Variants in NPHS2 observed in about 807,000 individuals in gnomAD.
NPHS2 encodes the protein NPHS2 stomatin family member, podocin.
In NPHS2, 36 loss-of-function variants were observed where a neutral mutation model predicts 37.1. The observed-to-expected ratio is 0.97, with a 90% CI of 0.74 to 1.28. The LOEUF is 1.28. Among genes scored for constraint, NPHS2 ranks in the 50% most tolerant of loss-of-function variants. NPHS2 has a pLI of 0.00. For synonymous variants in NPHS2, 196 were observed against 189.3 expected, an observed-to-expected ratio of 1.04 and a Z score of -0.29; for missense variants, 447 against 488.1, an observed-to-expected ratio of 0.92 and a Z score of 0.79.
At chr1:179,569,138 G>A (rs1263170958) in intron 1 of NPHS2, among the ~76,000 whole-genome samples, 2 of 152,082 alleles carry the variant, frequency 1.3e-5, no homozygotes, top group Non-Finnish European at 2.9e-5. Context: ...TCTGTCTAAT[G>A]CTGAGAGCAG....
Position 179,564,777 on chromosome 1 carries a change from G to A in NPHS2, c.291C>T (p.Gly97=). ...ERPEEGTKSS[G]LGACEWLLVL... is the part of the protein sequence containing the mutation. ...CAAGAAGCCACTCACAGGCCCCTAA[G>A]CCGGAGGATTTGGTACCTTAAAAAA... Residue 97 remains glycine, a synonymous_variant, in exon 2 of 8, where the codon GGC becomes GGT. Coordinates refer to ENST00000367615, the MANE Select transcript of NPHS2 (RefSeq NM_014625.4). 1 of 1,613,774 alleles carries A rather than the reference G, an allele frequency of 6.2e-7. No homozygotes were observed. The highest frequency in any genetic ancestry group is 8.5e-7 in the Non-Finnish European group (1 of 1,179,674).
chr1:179,561,474 A>G (rs1180359450), intron 2 of NPHS2, 113 bp from the exon 3 acceptor site: 9 of 763,514 alleles, frequency 1.2e-5, no homozygotes, highest in Non-Finnish European at 1.8e-5. Flanking sequence ...AGAACCAGGA[A>G]AAAATTTCTA....
intron 1 of NPHS2, 110 bp downstream of exon 1, chr1:179,575,481 G>A: frequency 1.4e-6 from 2 of 1,457,376 alleles, no homozygotes; most frequent in Non-Finnish European, 1.9e-6. Flanking sequence ...TGAGCATCCA[G>A]CAATCTGCTC....
intron 6 of NPHS2, among the ~76,000 whole-genome samples, chr1:179,553,630 T>C (rs1285726853): frequency 6.6e-6 from 1 of 152,236 alleles, no homozygotes; most frequent in African/African-American, 2.4e-5. Flanking sequence ...ACTTAACAAG[T>C]ACAGGCTTCC....
rs1433581705 is a variant in NPHS2, at chr1:179,556,014, T to C, written c.738+1013A>G. On this transcript the variant is annotated intron_variant, in intron 5 of 7. Transcript: ENST00000367615. This position sits in a 1 kb window ranked among gnomAD's most constrained non-coding sequence, Gnocchi z 4.1. ...TGGGTTTATTAGGATACATGCATTT[T>C]TGACTTACGATATTTTTTGCTTTAT... Among the ~76,000 whole-genome samples the C allele has an allele frequency of 6.6e-6, 1 of 152,242 alleles. No homozygotes were observed. The highest frequency in any genetic ancestry group is 1.5e-5 in the Non-Finnish European group (1 of 68,048).
chr1:179,560,329 A>T (rs1330522657), intron 3 of NPHS2, among the ~76,000 whole-genome samples: 1 of 152,152 alleles, frequency 6.6e-6, no homozygotes, highest in Non-Finnish European at 1.5e-5. Context: ...ACATTTGTAG[A>T]TTGATTTATT....
Position 179,552,594 on chromosome 1 carries a change from A to C in NPHS2, c.873+9T>G. ...AAGGGCAGTCTGGGTGGGAGGATGG[A>C]GTGCTCACCCGCACTTTGGCTTGTC... On this transcript the variant is annotated intron_variant, in intron 7 of 7. Coordinates refer to ENST00000367615, the MANE Select transcript of NPHS2 (RefSeq NM_014625.4). 6.2e-7 allele frequency: 1 copy of C among 1,612,002 alleles called. No individual in the cohort carries two copies. The highest frequency in any genetic ancestry group is 8.5e-7 in the Non-Finnish European group (1 of 1,178,494).
intron 5 of NPHS2, among the ~76,000 whole-genome samples, chr1:179,554,893 G>A (rs1203222987): frequency 6.6e-6 from 1 of 152,156 alleles, no homozygotes; most frequent in Non-Finnish European, 1.5e-5. Context: ...GGCCCTAAAT[G>A]TAATTATAGG....
chr1:179,551,854 C>A, intron 7 of NPHS2: 1 of 233,096 alleles, frequency 4.3e-6, no homozygotes. Context: ...GCTGAGCTCA[C>A]TACACAAATG....
Position 179,557,135 on chromosome 1 carries a change from T to TA in NPHS2, c.629dup (p.Ser211IlefsTer2). Reference sequence around the variant, plus strand: ...GCACAAGGAATTGCACAGCTTTAGATACATGAGCAAGACTGCTTAGGAGAA... The same window carrying TA: ...GCACAAGGAATTGCACAGCTTTAGATAACATGAGCAAGACTGCTTAGGAGAA... On this transcript the variant is annotated frameshift_variant, in exon 5 of 8. Transcript: ENST00000367615. LOFTEE classifies it high-confidence loss of function. 2 of 1,614,092 alleles carry TA rather than the reference T, an allele frequency of 1.2e-6. No homozygotes were observed. The highest frequency in any genetic ancestry group is 1.7e-6 in the Non-Finnish European group (2 of 1,179,956).
At chr1:179,554,276 TA>T (rs933385496) in intron 6 of NPHS2, among the ~76,000 whole-genome samples, 199 bp downstream of exon 6, 5 of 152,270 alleles carry the variant, frequency 3.3e-5, no homozygotes, top group African/African-American at 1.2e-4. Context: ...GAGAAAAAAA[TA>T]ATCAGAGTAA....
intron 1 of NPHS2, among the ~76,000 whole-genome samples, chr1:179,567,771 A>G (rs1484667697): frequency 6.6e-6 from 1 of 152,182 alleles, no homozygotes; most frequent in African/African-American, 2.4e-5. Flanking sequence ...AGTTTTTAGC[A>G]TGAAGGGCTG....
At chr1:179,566,971 TGTA>T (rs1674357783) in intron 1 of NPHS2, among the ~76,000 whole-genome samples, 1 of 151,376 alleles carries the variant, frequency 6.6e-6, no homozygotes, top group Non-Finnish European at 1.5e-5. Context: ...ACTGTAGCCT[TGTA>T]GTATAGTTTG....
In NPHS2 at chr1:179,575,912, G is replaced by A. The variant is rs780873703; in HGVS notation, c.-48C>T. On this transcript the variant is annotated 5_prime_UTR_variant, in exon 1 of 8. Transcript: ENST00000367615. ...GAGCAGCAGCGCGGGAGCGCTAGGG[G>A]CACGGGAGCGCAGTCCCTGTGGAGT... 23 of 1,360,174 alleles carry A rather than the reference G, an allele frequency of 1.7e-5. No individual in the cohort carries two copies. Among genetic ancestry groups the A allele is most frequent in the Non-Finnish European group, 2.0e-5 (21 of 1,063,870 alleles). 84.3% of individuals were successfully genotyped at this position (1,360,174 alleles called of 1,614,324 possible).
chr1:179,575,760 G>A lies in NPHS2; in HGVS notation c.105C>T (p.Gly35=), dbSNP rs985448094. The A allele has an allele frequency of 2.7e-6, 4 of 1,492,436 alleles. No homozygotes were observed. The South Asian group carries it at 3.9e-5, about 14-fold the overall frequency. The allele number at this position is 1,492,436 out of a possible 1,614,324, so 92.4% of individuals were successfully genotyped here. ...CGGGCCCAGCCTCCTGGCGCCCGCG[G>A]CCTCCGCCGCTCCTCTCGGCCTTTG... ...KRAKAERSGG[G]RGRQEAGPEP... is the part of the protein sequence containing the mutation. Residue 35 remains glycine (G), a synonymous_variant, in exon 1 of 8, where the codon GGC becomes GGT. Transcript: ENST00000367615.
rs900383804 is a variant in NPHS2 at position 179,551,282 on chromosome 1, T to C, written c.1043A>G (p.Asn348Ser). Reference sequence around the variant, plus strand: ...TCTGTTGCTGGGAGAAGACAGGCAATTCAGTAGGTCAAATGGCAAAGGTAA... The same window carrying C: ...TCTGTTGCTGGGAGAAGACAGGCAACTCAGTAGGTCAAATGGCAAAGGTAA... ...VVLPLPFDLL[N>S]CLSSPSNRTQ... Residue 348 changes from asparagine to serine, a missense_variant, in exon 8 of 8, where the codon AAT becomes AGT. Physicochemically the swap from Asn to Ser is conservative, Grantham distance 46 (BLOSUM62 1). Transcript: ENST00000367615. The C allele has an allele frequency of 1.1e-5, 18 of 1,614,052 alleles. No homozygotes were observed. Among genetic ancestry groups the C allele is most frequent in the Non-Finnish European group, 1.5e-5 (18 of 1,179,994 alleles).
chr1:179,554,930 T>G (rs1382011693), intron 5 of NPHS2, among the ~76,000 whole-genome samples: 1 of 152,028 alleles, frequency 6.6e-6, no homozygotes, highest in Non-Finnish European at 1.5e-5. Context: ...AGGCAAATGG[T>G]GATTTGACTA....
intron 2 of NPHS2, among the ~76,000 whole-genome samples, chr1:179,562,507 T>C (rs1430659681): frequency 2.6e-5 from 4 of 152,238 alleles, no homozygotes; most frequent in Non-Finnish European, 5.9e-5. Context: ...TTTATTTTCC[T>C]TCCTTATCCT....
chr1:179,568,724 G>A (rs1674430371), intron 1 of NPHS2, among the ~76,000 whole-genome samples: 1 of 152,186 alleles, frequency 6.6e-6, no homozygotes, highest in African/African-American at 2.4e-5. Flanking sequence ...TGCTTTAAAT[G>A]CGTCCCAGAG....
Sources: allele counts gnomAD v4.1 joint callset (sites outside exome capture counted in the v4.1 genomes callset), GRCh38; gene constraint gnomAD v4.1.1; non-coding constraint Gnocchi (gnomAD v3.1); transcripts MANE v1.5; gene names NCBI Gene and HGNC (gene_info 2026-07-23, HGNC 2026-07-21).